Variants in GALNT13 observed in about 807,000 individuals in gnomAD.
GALNT13 encodes the protein polypeptide N-acetylgalactosaminyltransferase 13.
A neutral mutation model predicts 64.2 loss-of-function variants in GALNT13; 28 were observed. That is an observed-to-expected ratio of 0.44 (90% CI 0.32 to 0.60). The LOEUF (loss-of-function observed/expected upper bound fraction) is 0.60. GALNT13 is among the 20% of genes least tolerant of loss of function. The pLI, the probability that GALNT13 is intolerant of heterozygous loss-of-function variation, is 0.05. For synonymous variants in GALNT13, 214 were observed against 224.6 expected (o/e 0.95, Z 0.42); for missense variants, 577 against 669.8 (o/e 0.86, Z 1.53).
the GALNT13 span, among the ~76,000 whole-genome samples, chr2:153,088,510 C>A: frequency 2.4e-3 from 359 of 152,136 alleles, 4 homozygotes; most frequent in African/African-American, 8.1e-3. Flanking sequence ...TCCATTGTTT[C>A]TTCTTTGACT....
At chr2:154,134,148 T>C (rs1331067232) in intron 3 of GALNT13, among the ~76,000 whole-genome samples, 1 of 152,198 alleles carries the variant, frequency 6.6e-6, no homozygotes, top group Non-Finnish European at 1.5e-5. Context: ...TGCATAGCTA[T>C]GTGTCCAAGA....
chr2:153,886,642 C>G (rs558443477), intron 1 of GALNT13, among the ~76,000 whole-genome samples: 1 of 152,098 alleles, frequency 6.6e-6, no homozygotes, highest in African/African-American at 2.4e-5. Flanking sequence ...TATCTGTTTT[C>G]TCTTGATAGT....
chr2:154,108,158 T>C (rs1702728986), intron 3 of GALNT13, among the ~76,000 whole-genome samples: 1 of 151,962 alleles, frequency 6.6e-6, no homozygotes, highest in Admixed American at 6.6e-5. Context: ...TTTTTGGTTT[T>C]TTTTTTCTTT....
At chr2:153,697,324 G>T in the GALNT13 span, among the ~76,000 whole-genome samples, 1 of 152,106 alleles carries the variant, frequency 6.6e-6, no homozygotes, top group African/African-American at 2.4e-5. Context: ...CTGCAATCTT[G>T]TCACTTCCCC....
intron 3 of GALNT13, among the ~76,000 whole-genome samples, chr2:154,096,275 C>G (rs1456128922): frequency 6.6e-6 from 1 of 151,952 alleles, no homozygotes; most frequent in East Asian, 1.9e-4. Flanking sequence ...CATATCCACT[C>G]CTCTTCTGGC....
At chr2:154,039,600 T>C (rs1253371724) in intron 3 of GALNT13, among the ~76,000 whole-genome samples, 1 of 138,918 alleles carries the variant, frequency 7.2e-6, no homozygotes, top group Non-Finnish European at 1.7e-5. Context: ...TTACAGTTGT[T>C]AGAAGCTGGG....
intron 3 of GALNT13, among the ~76,000 whole-genome samples, chr2:154,024,167 TG>T (rs1697758477): frequency 6.7e-6 from 1 of 149,746 alleles, no homozygotes; most frequent in South Asian, 2.1e-4. Context: ...CTGACAGTTA[TG>T]TGTCTTGGAG....
the GALNT13 span, among the ~76,000 whole-genome samples, chr2:153,263,059 C>T: frequency 6.6e-6 from 1 of 151,966 alleles, no homozygotes; most frequent in Non-Finnish European, 1.5e-5. Flanking sequence ...ATCATCTCAA[C>T]CCCAAATCTT....
chr2:153,952,746 A>G (rs1282921072), intron 3 of GALNT13, among the ~76,000 whole-genome samples: 1 of 147,636 alleles, frequency 6.8e-6, no homozygotes, highest in African/African-American at 2.4e-5. Context: ...CAAGCTGAGG[A>G]GCAAGAAAGC....
the GALNT13 span, among the ~76,000 whole-genome samples, chr2:153,517,339 G>A: frequency 1.3e-5 from 2 of 152,240 alleles, no homozygotes; most frequent in East Asian, 1.9e-4. Flanking sequence ...AAACTAATAC[G>A]TGCTCTGAGT....
At chr2:153,956,634 T>A (rs1692586941) in intron 3 of GALNT13, among the ~76,000 whole-genome samples, 1 of 152,204 alleles carries the variant, frequency 6.6e-6, no homozygotes, top group African/African-American at 2.4e-5. Context: ...CTTCTATTCA[T>A]GATGTTCTCT....
At chr2:153,303,123 C>A in the GALNT13 span, among the ~76,000 whole-genome samples, 2 of 152,204 alleles carry the variant, frequency 1.3e-5, no homozygotes, top group South Asian at 4.1e-4. Flanking sequence ...CTGTAGACTT[C>A]TTTGGGTAAT....
chr2:154,446,654 C>G (rs1348566891), intron 12 of GALNT13: 7 of 1,548,652 alleles, frequency 4.5e-6, no homozygotes, highest in Non-Finnish European at 6.1e-6. Flanking sequence ...CTGTGGAAAC[C>G]TGTAATGATA....
At chr2:153,854,780 C>G in the GALNT13 span, among the ~76,000 whole-genome samples, 1 of 151,974 alleles carries the variant, frequency 6.6e-6, no homozygotes, top group African/African-American at 2.4e-5. Flanking sequence ...TAAAATCAAG[C>G]AAATTTTTTG....
intron 3 of GALNT13, among the ~76,000 whole-genome samples, chr2:154,056,825 A>G (rs1699916693): frequency 6.6e-6 from 1 of 152,016 alleles, no homozygotes; most frequent in Non-Finnish European, 1.5e-5. Flanking sequence ...GAAACAGTCA[A>G]TTACCTACTT....
intron 11 of GALNT13, among the ~76,000 whole-genome samples, chr2:154,429,109 T>A (rs1187702555): frequency 1.3e-5 from 2 of 152,112 alleles, no homozygotes; most frequent in African/African-American, 4.8e-5. Flanking sequence ...AACACAACAA[T>A]ATTGAAGTTA....
chr2:154,183,193 A>G (rs917761052), intron 4 of GALNT13, among the ~76,000 whole-genome samples: 3 of 152,162 alleles, frequency 2.0e-5, no homozygotes, highest in African/African-American at 4.8e-5. Context: ...TACCAAATCA[A>G]TGTTTTTAGT....
At chr2:154,232,584 A>T (rs1408927205) in intron 4 of GALNT13, among the ~76,000 whole-genome samples, 1 of 152,190 alleles carries the variant, frequency 6.6e-6, no homozygotes, top group Non-Finnish European at 1.5e-5. Flanking sequence ...TACCATTGTT[A>T]TCAGAAACAC....
chr2:153,872,101 C>G lies in GALNT13; in HGVS notation c.-379C>G, dbSNP rs1213184996. 6.6e-6 allele frequency: 1 copy of G among 151,864 alleles called. No individual in the cohort carries two copies. Among genetic ancestry groups the G allele is most frequent in the Non-Finnish European group, 1.5e-5 (1 of 68,012 alleles). 9.4% of individuals were successfully genotyped at this position (151,864 alleles called of 1,614,324 possible). On this transcript the variant is annotated 5_prime_UTR_variant, in exon 1 of 13. Coordinates refer to ENST00000392825, the MANE Select transcript of GALNT13 (RefSeq NM_052917.4). ...GGCTGGAGCCGGCTCCCTCTGCTCG[C>G]GGGCAAGTGTGAAGAGAGAGGCGCG... is the stretch of plus-strand genomic sequence containing the variant.
Sources: allele counts gnomAD v4.1 joint callset (sites outside exome capture counted in the v4.1 genomes callset), GRCh38; gene constraint gnomAD v4.1.1; transcripts MANE v1.5; gene names NCBI Gene and HGNC (gene_info 2026-07-23, HGNC 2026-07-21).